BCL7A: variants seen among roughly 807,000 people sequenced by gnomAD.
BCL7A encodes the protein BAF chromatin remodeling complex subunit BCL7A.
In BCL7A, 11 loss-of-function variants were observed where a neutral mutation model predicts 28.4. That is an observed-to-expected ratio of 0.39 (90% CI 0.24 to 0.64). The LOEUF (loss-of-function observed/expected upper bound fraction) is 0.64. BCL7A is among the 30% of genes least tolerant of loss of function. The pLI, the probability that BCL7A is intolerant of heterozygous loss-of-function variation, is 0.50. For synonymous variants in BCL7A, 123 were observed against 103.3 expected, an observed-to-expected ratio of 1.19 and a Z score of -1.15; for missense variants, 222 against 274.8, an observed-to-expected ratio of 0.81 and a Z score of 1.36.
Position 122,061,541 on chromosome 12 carries a change from C to T in BCL7A, c.*2378C>T, listed in dbSNP as rs532879161. On this transcript the variant is annotated 3_prime_UTR_variant, in exon 6 of 6. Transcript: ENST00000261822. ...TGCTTCCTTCCCTGGCGCAGTCGCTCCTCGAGCCGCTGCCCCCCACCCACC... is the reference window on the plus strand; with the variant it reads ...TGCTTCCTTCCCTGGCGCAGTCGCTTCTCGAGCCGCTGCCCCCCACCCACC... The T allele has an allele frequency of 2.8e-4, 64 of 232,006 alleles. No homozygotes were observed. In the East Asian group the frequency reaches 3.6e-3, roughly 13 times the overall value. The allele number at this position is 232,006 out of a possible 1,614,324, so 14.4% of individuals were successfully genotyped here.
intron 1 of BCL7A, among the ~76,000 whole-genome samples, chr12:122,023,506 A>G (rs1555222403): frequency 6.6e-6 from 1 of 152,320 alleles, no homozygotes; most frequent in African/African-American, 2.4e-5. Flanking sequence ...CCAACAAAAA[A>G]GGCAAGAGGA....
intron 3 of BCL7A, among the ~76,000 whole-genome samples, chr12:122,039,206 A>G (rs1200644676): frequency 1.3e-5 from 2 of 151,682 alleles, no homozygotes; most frequent in African/African-American, 2.4e-5. Context: ...CTGAGGCAAG[A>G]GAATGGCGTG....
At chr12:122,051,317 G>C (rs1028514826) in intron 4 of BCL7A, among the ~76,000 whole-genome samples, 4 of 152,164 alleles carry the variant, frequency 2.6e-5, no homozygotes, top group Admixed American at 2.6e-4. Flanking sequence ...GGACAGACCC[G>C]TGTGGCCTTC....
At chr12:122,050,835 C>T (rs1181691282) in intron 4 of BCL7A, among the ~76,000 whole-genome samples, 1 of 152,212 alleles carries the variant, frequency 6.6e-6, no homozygotes. Context: ...CTGCCTCCCT[C>T]GCCGGGAGCG....
chr12:122,028,042 T>G (rs1410782804), intron 1 of BCL7A, among the ~76,000 whole-genome samples: 1 of 152,138 alleles, frequency 6.6e-6, no homozygotes, highest in Non-Finnish European at 1.5e-5. Context: ...CATGTCCTCC[T>G]GGGTGCTCAC....
chr12:122,024,030 G>A (rs1815071915), intron 1 of BCL7A, among the ~76,000 whole-genome samples: 1 of 152,238 alleles, frequency 6.6e-6, no homozygotes, highest in South Asian at 2.1e-4. Flanking sequence ...GCGGCCAGCT[G>A]CTCTGCAGGG....
intron 1 of BCL7A, among the ~76,000 whole-genome samples, chr12:122,025,946 C>CAAAAAAAAAAAAAA (rs1204623444): frequency 1.8e-5 from 2 of 108,192 alleles, no homozygotes; most frequent in Non-Finnish European, 3.6e-5. Flanking sequence ...GACTCCATCT[C>CAAAAAAAAAAAAAA]AAAAAAAAAA....
intron 2 of BCL7A, among the ~76,000 whole-genome samples, chr12:122,034,571 A>T (rs1332438851): frequency 6.6e-6 from 1 of 151,438 alleles, no homozygotes; most frequent in Non-Finnish European, 1.5e-5. Context: ...ACCCGTCTCT[A>T]CTAAAAATAC....
Position 122,060,674 on chromosome 12 carries a change from G to T in BCL7A, c.*1511G>T, listed in dbSNP as rs1303081576. ...TGGGGTCATGGGTTTTGTTGTTTTT[G>T]GGGGCTAATTGGTGCATATTCAGGT... On this transcript the variant is annotated 3_prime_UTR_variant, in exon 6 of 6. Transcript: ENST00000261822. The T allele has an allele frequency of 5.6e-5, 13 of 233,202 alleles. No individual in the cohort carries two copies. In the East Asian group the frequency reaches 6.6e-4, roughly 12 times the overall value. The allele number at this position is 233,202 out of a possible 1,614,324, so 14.4% of individuals were successfully genotyped here. A position where few individuals can be genotyped will look rare whatever the true frequency, so the allele number is the denominator to read the frequency against.
chr12:122,043,029 G>C (rs1371038654), intron 3 of BCL7A, among the ~76,000 whole-genome samples: 1 of 147,048 alleles, frequency 6.8e-6, no homozygotes, highest in East Asian at 2.0e-4. Flanking sequence ...TTTTAAATAT[G>C]ATACTGACTT....
At chr12:122,054,474 T>G (rs1884265960) in intron 4 of BCL7A, among the ~76,000 whole-genome samples, 2 of 152,132 alleles carry the variant, frequency 1.3e-5, no homozygotes, top group Admixed American at 1.3e-4. Flanking sequence ...CAGCCATGAT[T>G]GTTGGTGCGC....
rs1267211086 is a variant in BCL7A, at chr12:122,043,876, C to T, written c.272-10C>T. On this transcript the variant is annotated splice_polypyrimidine_tract_variant and intron_variant, in intron 3 of 5. Transcript: ENST00000261822. ...ATTTCATCCTGTGGTTCTGTTCCCACCCCCTACAGACGATAACAGCAACCA... is the reference window on the plus strand; with the variant it reads ...ATTTCATCCTGTGGTTCTGTTCCCATCCCCTACAGACGATAACAGCAACCA... 4 of 1,606,764 alleles carry T rather than the reference C, an allele frequency of 2.5e-6. No individual in the cohort carries two copies. The highest frequency in any genetic ancestry group is 3.4e-6 in the Non-Finnish European group (4 of 1,176,408).
intron 3 of BCL7A, among the ~76,000 whole-genome samples, chr12:122,037,096 C>T (rs1883871749): frequency 6.6e-6 from 1 of 152,196 alleles, no homozygotes; most frequent in Admixed American, 6.5e-5. Flanking sequence ...ATCTGGCAGC[C>T]CCGTGGCTGT....
chr12:122,044,875 C>G (rs1432149156), intron 4 of BCL7A, among the ~76,000 whole-genome samples: 1 of 152,004 alleles, frequency 6.6e-6, no homozygotes, highest in Admixed American at 6.6e-5. Flanking sequence ...AATCAGACAA[C>G]CTAGTATTAG....
At chr12:122,056,946 T>C (rs909108656) in intron 5 of BCL7A, among the ~76,000 whole-genome samples, 3 of 152,192 alleles carry the variant, frequency 2.0e-5, no homozygotes, top group African/African-American at 7.2e-5. Flanking sequence ...ACTCGAGGCC[T>C]CTCCTCTGCA....
chr12:122,034,455 G>T (rs1476903218), intron 2 of BCL7A, among the ~76,000 whole-genome samples: 2 of 147,944 alleles, frequency 1.4e-5, no homozygotes, highest in South Asian at 2.1e-4. Flanking sequence ...AAATTGAATG[G>T]CCGGGCACAG....
In BCL7A at chr12:122,061,854, G is replaced by A; in HGVS notation, c.*2691G>A. 4.5e-6 allele frequency: 1 copy of A among 224,310 alleles called. No individual in the cohort carries two copies. The highest frequency in any genetic ancestry group is 1.8e-4 in the South Asian group (1 of 5,408). 13.9% of individuals were successfully genotyped at this position (224,310 alleles called of 1,614,324 possible). A position where few individuals can be genotyped will look rare whatever the true frequency, so the allele number is the denominator to read the frequency against. ...GTCATGGTTTGGAATGTTCATTATC[G>A]CCAAGAACCTGGTTAGAGGCATAAA... On this transcript the variant is annotated 3_prime_UTR_variant, in exon 6 of 6. Coordinates refer to ENST00000261822, the MANE Select transcript of BCL7A (RefSeq NM_001024808.3).
At chr12:122,024,343 T>A (rs1883563059) in intron 1 of BCL7A, among the ~76,000 whole-genome samples, 1 of 152,324 alleles carries the variant, frequency 6.6e-6, no homozygotes, top group Non-Finnish European at 1.5e-5. Flanking sequence ...CTCGGGTTAT[T>A]GAGGACGATT....
chr12:122,037,640 A>C (rs904739278), intron 3 of BCL7A, among the ~76,000 whole-genome samples: 2 of 151,834 alleles, frequency 1.3e-5, no homozygotes, highest in Admixed American at 1.3e-4. Context: ...ACATGGTGAA[A>C]CCCTGTCTCT....
Sources: allele counts gnomAD v4.1 joint callset (sites outside exome capture counted in the v4.1 genomes callset), GRCh38; gene constraint gnomAD v4.1.1; transcripts MANE v1.5; gene names NCBI Gene and HGNC (gene_info 2026-07-23, HGNC 2026-07-21).